CADM2: variants seen among roughly 807,000 people sequenced by gnomAD.
CADM2 encodes the protein immunoglobulin superfamily member 4D.
CADM2 carries 12 observed loss-of-function variants against 49.8 expected under a neutral mutation model. That is an observed-to-expected ratio of 0.24 (90% CI 0.15 to 0.39). The LOEUF (loss-of-function observed/expected upper bound fraction) is 0.39, where lower values mean the gene tolerates loss of function less well. Among genes scored for constraint, CADM2 ranks in the 10% least tolerant of loss-of-function variants. The probability of loss-of-function intolerance (pLI) is 1.00; values close to 1 mark genes in which losing one functional copy is unlikely to be tolerated. For missense variants in CADM2, 378 were observed against 492.3 expected (o/e 0.77, Z 2.20); for synonymous variants, 214 against 175.4 (o/e 1.22, Z -1.74).
chr3:84,975,294 G>C (rs2031745930), intron 1 of CADM2, among the ~76,000 whole-genome samples: 1 of 151,606 alleles, frequency 6.6e-6, no homozygotes, highest in Admixed American at 6.6e-5. Flanking sequence ...TGGTATCTCT[G>C]TGGTATATTT....
chr3:86,012,254 GTTATTTTAGTAAATCAGTAC>G (rs1457535615), intron 8 of CADM2, among the ~76,000 whole-genome samples: 1 of 152,076 alleles, frequency 6.6e-6, no homozygotes, highest in Admixed American at 6.6e-5. Context: ...TGTATGTATA[GTTATTTTAGTAAATCAGTAC>G]AATGCATATT....
At chr3:86,016,176 A>T (rs1732200014) in intron 8 of CADM2, among the ~76,000 whole-genome samples, 1 of 152,152 alleles carries the variant, frequency 6.6e-6, no homozygotes, top group South Asian at 2.1e-4. Flanking sequence ...CTATAGTGGT[A>T]AAGTACATAA....
At chr3:85,864,478 A>T (rs531053035) in intron 3 of CADM2, among the ~76,000 whole-genome samples, 1 of 152,290 alleles carries the variant, frequency 6.6e-6, no homozygotes, top group Admixed American at 6.5e-5. Flanking sequence ...CTACTACACC[A>T]TTCCATTATG....
chr3:85,959,076 A>C (rs1483079165), intron 7 of CADM2, among the ~76,000 whole-genome samples: 1 of 151,242 alleles, frequency 6.6e-6, no homozygotes, highest in African/African-American at 2.4e-5. Flanking sequence ...ATATATCTAT[A>C]TAGCTATATC....
At chr3:85,321,115 T>C (rs2044594280) in intron 1 of CADM2, among the ~76,000 whole-genome samples, 1 of 36,852 alleles carries the variant, frequency 2.7e-5, no homozygotes, top group Non-Finnish European at 5.0e-5. Context: ...TATATATATA[T>C]ATTTTTTTTT....
Position 85,373,117 on chromosome 3 carries a change from A to C in CADM2, c.62-353405A>C, listed in dbSNP as rs974737904. 2.8e-4 allele frequency among the ~76,000 whole-genome samples: 42 copies of C among 152,092 alleles called. 1 individual carries two copies. The highest frequency in any genetic ancestry group is 9.4e-4 in the African/African-American group (39 of 41,394). The stretch of plus-strand genomic sequence containing the variant: ...CTCGACTCATTTCAGCATTAACTCA[A>C]AAGTCCACAGCCCAAAGTATCCTCT... On this transcript the variant is annotated intron_variant, in intron 1 of 9. Coordinates refer to ENST00000383699, the MANE Select transcript of CADM2 (RefSeq NM_001167675.2).
chr3:85,896,227 A>G (rs1023550093), intron 5 of CADM2, among the ~76,000 whole-genome samples: 8 of 152,164 alleles, frequency 5.3e-5, no homozygotes. Context: ...TTGAGTTTGC[A>G]GAGAGCCATG....
chr3:85,374,123 A>T (rs901037207), intron 1 of CADM2, among the ~76,000 whole-genome samples: 4 of 151,900 alleles, frequency 2.6e-5, no homozygotes, highest in African/African-American at 4.8e-5. Context: ...CCAAAGTTTT[A>T]TGCTCTGCTT....
At chr3:86,014,939 A>G in intron 8 of CADM2, 2 of 1,463,204 alleles carry the variant, frequency 1.4e-6, no homozygotes, top group African/African-American at 2.8e-5. Flanking sequence ...AAAATGGACG[A>G]AAGCGTCTTA....
chr3:85,264,745 T>C (rs1319456502), intron 1 of CADM2, among the ~76,000 whole-genome samples: 1 of 152,114 alleles, frequency 6.6e-6, no homozygotes, highest in Non-Finnish European at 1.5e-5. Flanking sequence ...TGGTATAGTA[T>C]AGTAAATAAT....
At chr3:85,778,111 C>T (rs2070448171) in intron 2 of CADM2, among the ~76,000 whole-genome samples, 1 of 152,064 alleles carries the variant, frequency 6.6e-6, no homozygotes, top group South Asian at 2.1e-4. Context: ...ATGAGGAAAA[C>T]ATTTGGAAAT....
chr3:85,952,114 T>G (rs1203485381), intron 7 of CADM2, among the ~76,000 whole-genome samples: 2 of 150,862 alleles, frequency 1.3e-5, no homozygotes. Context: ...ATGATGACAA[T>G]GTGAAGTGTG....
At chr3:85,666,075 C>T (rs112051785) in intron 1 of CADM2, among the ~76,000 whole-genome samples, 3 of 152,016 alleles carry the variant, frequency 2.0e-5, no homozygotes, top group Admixed American at 6.6e-5. Context: ...GCAAAAATCA[C>T]GAGCATTCCT....
intron 1 of CADM2, among the ~76,000 whole-genome samples, chr3:85,546,373 C>CTT (rs2061670297): frequency 6.6e-6 from 1 of 152,096 alleles, no homozygotes; most frequent in Admixed American, 6.6e-5. Context: ...ATCAAATAAA[C>CTT]AATTAAAACA....
rs13322893 is a variant in CADM2 at position 85,653,993 on chromosome 3, T to C, written c.62-72529T>C. ...TCAAACATAAAATACGGACTGTGAA[T>C]TGGCCATCGGATTTATCAATCTGAA... On this transcript the variant is annotated intron_variant, in intron 1 of 9. Coordinates refer to ENST00000383699, the MANE Select transcript of CADM2 (RefSeq NM_001167675.2). 5.5e-3 allele frequency among the ~76,000 whole-genome samples: 836 copies of C among 152,364 alleles called. 11 individuals are homozygous for C. The highest frequency in any genetic ancestry group is 0.019 in the African/African-American group (805 of 41,594).
chr3:85,629,607 A>G (rs1047684473), intron 1 of CADM2, among the ~76,000 whole-genome samples: 9 of 152,024 alleles, frequency 5.9e-5, no homozygotes, highest in African/African-American at 1.9e-4. Context: ...GCTTGCATGT[A>G]TACTATTATT....
At chr3:85,414,355 G>A (rs1559827936) in intron 1 of CADM2, among the ~76,000 whole-genome samples, 1 of 152,018 alleles carries the variant, frequency 6.6e-6, no homozygotes, top group East Asian at 1.9e-4. Flanking sequence ...TCATAAGGAA[G>A]AAAAAAATAA....
At chr3:85,753,409 C>A (rs140423573) in intron 2 of CADM2, among the ~76,000 whole-genome samples, 10 of 152,046 alleles carry the variant, frequency 6.6e-5, no homozygotes, top group African/African-American at 2.4e-4. Flanking sequence ...AATGTGATTG[C>A]AAGAAGAAAT....
chr3:85,135,567 AC>A (rs879621992), intron 1 of CADM2, among the ~76,000 whole-genome samples: 11 of 152,116 alleles, frequency 7.2e-5, no homozygotes, highest in Non-Finnish European at 1.2e-4. Context: ...AAATCAGAAT[AC>A]CATCACTGCT....
Sources: allele counts gnomAD v4.1 joint callset (sites outside exome capture counted in the v4.1 genomes callset), GRCh38; gene constraint gnomAD v4.1.1; transcripts MANE v1.5; gene names NCBI Gene and HGNC (gene_info 2026-07-23, HGNC 2026-07-21).